Variants in SVEP1 observed in about 807,000 individuals in gnomAD.
SVEP1 encodes sushi, von Willebrand factor type A, EGF and pentraxin domain containing 1.
SVEP1 carries 164 observed loss-of-function variants against 367.3 expected under a neutral mutation model. The observed-to-expected ratio is 0.45, with a 90% CI of 0.39 to 0.51. The LOEUF is 0.51. Among genes scored for constraint, SVEP1 ranks in the 20% least tolerant of loss-of-function variants. SVEP1 has a pLI of 0.00. For synonymous variants in SVEP1, 1,666 were observed against 1,611.6 expected (o/e 1.03, Z -0.81); for missense variants, 4,117 against 4,425.3 (o/e 0.93, Z 1.98).
chr9:110,542,963 A>ATT (rs1554722330), intron 3 of SVEP1, among the ~76,000 whole-genome samples: 25 of 72,014 alleles, frequency 3.5e-4, no homozygotes, highest in South Asian at 1.3e-3. Flanking sequence ...TTAAAGTATA[A>ATT]TTAAAAAAAA....
intron 1 of SVEP1, among the ~76,000 whole-genome samples, chr9:110,554,280 G>A (rs1409951819): frequency 6.6e-6 from 1 of 151,962 alleles, no homozygotes; most frequent in Non-Finnish European, 1.5e-5. Flanking sequence ...TTGAGAGTCT[G>A]CTTATGAAAT....
At chr9:110,369,121 A>C (rs1827240501) in intron 47 of SVEP1, among the ~76,000 whole-genome samples, 1 of 152,204 alleles carries the variant, frequency 6.6e-6, no homozygotes, top group Non-Finnish European at 1.5e-5. Flanking sequence ...GTCTTAAAAT[A>C]TAGCTGATAA....
rs572293829 is a variant in SVEP1 at position 110,397,884 on chromosome 9, G to A, written c.9822+2970C>T. ...AAGAACATTCCATGCTCATGGGTAG[G>A]AAGAATCAATATCATGAAAATGGCC... is the stretch of plus-strand genomic sequence containing the variant. On this transcript the variant is annotated intron_variant, in intron 40 of 47. Transcript: ENST00000374469. Among the ~76,000 whole-genome samples, 207 of 152,118 alleles carry A rather than the reference G, an allele frequency of 1.4e-3. 3 individuals carry two copies. The Middle Eastern group carries it at 0.021, about 15-fold the overall frequency.
At chr9:110,368,547 G>A (rs1408858065) in intron 47 of SVEP1, among the ~76,000 whole-genome samples, 1 of 152,158 alleles carries the variant, frequency 6.6e-6, no homozygotes, top group Non-Finnish European at 1.5e-5. Flanking sequence ...AATCAAGAAA[G>A]AACTCCTATC....
chr9:110,521,689 A>C (rs953450858), intron 3 of SVEP1, among the ~76,000 whole-genome samples: 1 of 152,188 alleles, frequency 6.6e-6, no homozygotes, highest in Admixed American at 6.5e-5. Flanking sequence ...TTATTGTCTT[A>C]AAGTGTTTAC....
intron 1 of SVEP1, among the ~76,000 whole-genome samples, chr9:110,566,848 C>T (rs1588111691): frequency 6.6e-6 from 1 of 152,222 alleles, no homozygotes; most frequent in Non-Finnish European, 1.5e-5. Context: ...ACTGGATGAG[C>T]TTCTCTCTCC....
intron 1 of SVEP1, among the ~76,000 whole-genome samples, chr9:110,567,684 T>C (rs1400841310): frequency 6.6e-6 from 1 of 152,190 alleles, no homozygotes; most frequent in Non-Finnish European, 1.5e-5. Context: ...TGAGTTATTT[T>C]CCATAGTTCT....
chr9:110,427,736 C>G lies in SVEP1; in HGVS notation c.5830G>C (p.Glu1944Gln). ...GYSLQGPSII[E>Q]CTASGIWDRA... ...TCCCAGATGCCAGAAGCCGTGCATT[C>G]AATAATGGAAGGGCCCTGTAAGCTG... Residue 1944 changes from glutamate to glutamine, a missense_variant, in exon 36 of 48, where the codon GAA becomes CAA. Glu to Gln is a conservative substitution (Grantham distance 29). Transcript: ENST00000374469. 2 of 1,612,610 alleles carry G rather than the reference C, an allele frequency of 1.2e-6. No homozygotes were observed. Among genetic ancestry groups the G allele is most frequent in the East Asian group, 2.2e-5 (1 of 44,824 alleles).
chr9:110,568,926 C>T (rs1830522930), intron 1 of SVEP1, among the ~76,000 whole-genome samples: 1 of 151,870 alleles, frequency 6.6e-6, no homozygotes, highest in Non-Finnish European at 1.5e-5. Context: ...ATGGCAAAAC[C>T]CTGTCACTAC....
At chr9:110,377,030 T>C (rs1827359764) in intron 45 of SVEP1, 1 of 366,776 alleles carries the variant, frequency 2.7e-6, no homozygotes, top group Non-Finnish European at 5.0e-6. Context: ...CTTTTGCAAA[T>C]TTGTGCCAGG....
At chr9:110,411,818 T>C in intron 36 of SVEP1, 83 bp from the exon 37 acceptor site, 2 of 1,253,734 alleles carry the variant, frequency 1.6e-6, no homozygotes, top group South Asian at 3.5e-5. Flanking sequence ...TTTTTAAATC[T>C]TTCCCACAAT....
intron 9 of SVEP1, among the ~76,000 whole-genome samples, chr9:110,486,146 G>A (rs1387256030): frequency 6.6e-6 from 1 of 152,186 alleles, no homozygotes; most frequent in Non-Finnish European, 1.5e-5. Flanking sequence ...AATGCTCATA[G>A]CAGGTCAGTG....
Position 110,434,491 on chromosome 9 carries a change from C to T in SVEP1, c.4904G>A (p.Gly1635Glu), listed in dbSNP as rs376217209. The T allele has an allele frequency of 1.5e-4, 234 of 1,612,982 alleles. 1 individual carries two copies. The highest frequency in any genetic ancestry group is 1.3e-3 in the African/African-American group (100 of 74,832). ...AGTTCTCAGATGAGGCACTGACCCT[C>T]CTAAGCGTGGGCAATCTGAGGGCAA... ...SIFCSDCPRL[G>E]GSVPHLRTAS... Residue 1635 changes from glycine to glutamate, a missense_variant, in exon 30 of 48, where the codon GGA becomes GAA. Coordinates refer to ENST00000374469, the MANE Select transcript of SVEP1 (RefSeq NM_153366.4).
intron 1 of SVEP1, among the ~76,000 whole-genome samples, chr9:110,574,886 C>T (rs1202899116): frequency 6.6e-6 from 1 of 151,826 alleles, no homozygotes; most frequent in Non-Finnish European, 1.5e-5. Context: ...GCTGGGACTA[C>T]AGGCACCCAC....
At chr9:110,399,917 A>C (rs1266526665) in intron 40 of SVEP1, among the ~76,000 whole-genome samples, 1 of 152,242 alleles carries the variant, frequency 6.6e-6, no homozygotes, top group Non-Finnish European at 1.5e-5. Context: ...GTGTAATGTA[A>C]AATAGGCCTC....
At chr9:110,496,609 A>G (rs1487755463) in intron 8 of SVEP1, among the ~76,000 whole-genome samples, 1 of 152,182 alleles carries the variant, frequency 6.6e-6, no homozygotes, top group African/African-American at 2.4e-5. Context: ...CAGATGGCCT[A>G]TTGTGGAACT....
intron 24 of SVEP1, among the ~76,000 whole-genome samples, chr9:110,447,308 A>G (rs1019862335): frequency 6.6e-6 from 1 of 152,260 alleles, no homozygotes; most frequent in Non-Finnish European, 1.5e-5. Context: ...TATAATTCAT[A>G]CATTGTGGTT....
chr9:110,473,394 G>A (rs10739302), intron 14 of SVEP1, among the ~76,000 whole-genome samples: 129,093 of 152,202 alleles, frequency 0.85, 54,864 homozygotes, highest in East Asian at 0.99. Context: ...TTTTCCCACT[G>A]TGAATGTATA....
intron 1 of SVEP1, among the ~76,000 whole-genome samples, chr9:110,562,067 G>C (rs1830438498): frequency 6.6e-6 from 1 of 151,858 alleles, no homozygotes; most frequent in Non-Finnish European, 1.5e-5. Flanking sequence ...GGACCCATAG[G>C]GACAGTACAT....
Sources: allele counts gnomAD v4.1 joint callset (sites outside exome capture counted in the v4.1 genomes callset), GRCh38; gene constraint gnomAD v4.1.1; transcripts MANE v1.5; gene names NCBI Gene and HGNC (gene_info 2026-07-23, HGNC 2026-07-21).